ITPR1: variants seen among roughly 807,000 people sequenced by gnomAD.
The protein encoded by ITPR1 is inositol 1,4,5-trisphosphate-gated calcium channel ITPR1.
Under a neutral mutation model 318.4 loss-of-function variants are expected in ITPR1, and 96 were observed. The ratio of observed to expected loss-of-function variants is 0.30; its 90% CI spans 0.26 to 0.36. The LOEUF (loss-of-function observed/expected upper bound fraction) is 0.36. Among genes scored for constraint, ITPR1 ranks in the 10% least tolerant of loss-of-function variants. The pLI is 1.00. For missense variants in ITPR1, 2,440 were observed against 3,460.2 expected, an observed-to-expected ratio of 0.71 and a Z score of 7.40; for synonymous variants, 1,312 against 1,289.9, an observed-to-expected ratio of 1.02 and a Z score of -0.37.
In ITPR1 at chr3:4,806,161, G is replaced by A. The variant is rs1343639552; in HGVS notation, c.7166G>A (p.Arg2389Lys). ...GTGGGCAACTGTGGGACATTCACAAGAGGCTACCGAGCCATGGTTCTGGAT... is the reference window on the plus strand; with the variant it reads ...GTGGGCAACTGTGGGACATTCACAAAAGGCTACCGAGCCATGGTTCTGGAT... The part of the protein sequence containing the change: ...SFVGNCGTFT[R>K]GYRAMVLDVE... The change falls in exon 55 of 62, where the codon AGA (arginine) becomes AAA (lysine). Residue 2389 changes from arginine (R) to lysine (K), a missense_variant. By Grantham distance (26) the Arg-to-Lys change is conservative. Around this residue, in one of 23 missense-constraint regions of ITPR1, gnomAD observed 126 missense variants for 150.8 expected, o/e 0.84. Coordinates refer to ENST00000649015, the MANE Select transcript of ITPR1 (RefSeq NM_001378452.1). The A allele has an allele frequency of 2.5e-6, 4 of 1,613,756 alleles. No individual in the cohort carries two copies. Among genetic ancestry groups the A allele is most frequent in the African/African-American group, 1.3e-5 (1 of 74,932 alleles).
At chr3:4,639,686 G>A (rs2093292016) in intron 6 of ITPR1, among the ~76,000 whole-genome samples, 1 of 152,152 alleles carries the variant, frequency 6.6e-6, no homozygotes, top group Non-Finnish European at 1.5e-5. Context: ...ACTTCTCTCT[G>A]TCTGTGGCTG....
intron 1 of ITPR1, among the ~76,000 whole-genome samples, chr3:4,493,928 A>AT (rs1491057319): frequency 2.1e-5 from 3 of 139,706 alleles, no homozygotes; most frequent in African/African-American, 8.0e-5. Context: ...TGGGGGTGTC[A>AT]TATGTGAGTC....
intron 39 of ITPR1, among the ~76,000 whole-genome samples, chr3:4,712,826 T>G (rs1191538822): frequency 6.6e-6 from 1 of 152,234 alleles, no homozygotes; most frequent in Non-Finnish European, 1.5e-5. Context: ...GATTTTGCAG[T>G]TTCTTAGTTT....
chr3:4,697,666 G>A (rs1395756824), intron 34 of ITPR1, among the ~76,000 whole-genome samples: 1 of 151,842 alleles, frequency 6.6e-6, no homozygotes, highest in South Asian at 2.1e-4. Flanking sequence ...TGGCCAGGCT[G>A]GTCTTGAACT....
intron 4 of ITPR1, among the ~76,000 whole-genome samples, chr3:4,545,197 G>C (rs932720493): frequency 6.6e-6 from 1 of 152,188 alleles, no homozygotes; most frequent in Non-Finnish European, 1.5e-5. Context: ...AAATGAATCA[G>C]TTGATCTGTT....
intron 44 of ITPR1, among the ~76,000 whole-genome samples, chr3:4,757,112 C>T (rs1188405290): frequency 6.6e-6 from 1 of 152,106 alleles, no homozygotes. Context: ...AGCAAGGAGC[C>T]AAGGCCAAAA....
chr3:4,635,031 C>G (rs2093139176), intron 5 of ITPR1, among the ~76,000 whole-genome samples: 1 of 152,232 alleles, frequency 6.6e-6, no homozygotes, highest in Non-Finnish European at 1.5e-5. Context: ...GCGTGAGCCA[C>G]CGTACCTGGC....
chr3:4,790,552 G>T (rs55730960), intron 52 of ITPR1, among the ~76,000 whole-genome samples: 1 of 152,154 alleles, frequency 6.6e-6, no homozygotes, highest in African/African-American at 2.4e-5. Context: ...GCACACTTGG[G>T]GAGGGAGAAA....
intron 33 of ITPR1, 97 bp downstream of exon 33, chr3:4,693,838 C>G (rs1172417145): frequency 2.3e-6 from 3 of 1,328,434 alleles, no homozygotes; most frequent in African/African-American, 1.5e-5. Flanking sequence ...CCTGGGGGAG[C>G]CCTCATGGCT....
chr3:4,624,422 A>G (rs1197795583), intron 4 of ITPR1, among the ~76,000 whole-genome samples: 1 of 152,176 alleles, frequency 6.6e-6, no homozygotes, highest in African/African-American at 2.4e-5. Flanking sequence ...TAATCCCAGC[A>G]CTTTGGGAGG....
intron 4 of ITPR1, among the ~76,000 whole-genome samples, chr3:4,549,119 A>G (rs78416486): frequency 0.035 from 5,391 of 152,366 alleles, 151 homozygotes; most frequent in Middle Eastern, 0.058. Flanking sequence ...ATTAGTTAAC[A>G]TGAAAATTGT....
chr3:4,567,468 A>G lies in ITPR1; in HGVS notation c.163+46374A>G, dbSNP rs138890215. Among the ~76,000 whole-genome samples the G allele has an allele frequency of 6.6e-5, 10 of 152,312 alleles. No homozygotes were observed. In the East Asian group the frequency reaches 1.9e-3, roughly 29 times the overall value. On this transcript the variant is annotated intron_variant, in intron 4 of 61. Transcript: ENST00000649015. Reference sequence around the variant, plus strand: ...TGTTGATAATGGTTTGCAGTATAACATGGAACATGCTAGACTCCAAGTCGA... The same window carrying G: ...TGTTGATAATGGTTTGCAGTATAACGTGGAACATGCTAGACTCCAAGTCGA...
At chr3:4,560,440 C>T (rs903736646) in intron 4 of ITPR1, among the ~76,000 whole-genome samples, 3 of 152,140 alleles carry the variant, frequency 2.0e-5, no homozygotes, top group Non-Finnish European at 4.4e-5. Context: ...ATGTTGATAT[C>T]AACTTCCTGA....
chr3:4,752,621 C>T (rs993230318), intron 44 of ITPR1, among the ~76,000 whole-genome samples: 3 of 152,182 alleles, frequency 2.0e-5, no homozygotes, highest in Admixed American at 1.3e-4. Context: ...TTGAGTGTTT[C>T]GGAATTGCAC....
In ITPR1 at chr3:4,806,115, A is replaced by C. The variant is rs1559928445; in HGVS notation, c.7120A>C (p.Ile2374Leu). 2.5e-6 allele frequency: 4 copies of C among 1,613,728 alleles called. No individual in the cohort carries two copies. Among genetic ancestry groups the C allele is most frequent in the Non-Finnish European group, 3.4e-6 (4 of 1,179,714 alleles). ...TCATTGTTCTCAGGTATGCAATAAA[A>C]TCATCTTTCTAATGAGCTTTGTGGG... The part of the protein sequence containing the change: ...LLGAFNVCNK[I>L]IFLMSFVGNC... Residue 2374 changes from isoleucine (I) to leucine (L), a missense_variant, in exon 55 of 62, where the codon ATC (isoleucine) becomes CTC (leucine). Physicochemically the swap from Ile to Leu is conservative, Grantham distance 5. Coordinates refer to ENST00000649015, the MANE Select transcript of ITPR1 (RefSeq NM_001378452.1).
chr3:4,699,678 C>T lies in ITPR1; in HGVS notation c.4408-135C>T, dbSNP rs1233003991. 1.7e-5 allele frequency: 12 copies of T among 726,264 alleles called. No homozygotes were observed. In the South Asian group the frequency reaches 1.8e-4, roughly 11 times the overall value. 45.0% of individuals were successfully genotyped at this position (726,264 alleles called of 1,614,324 possible). A position where few individuals can be genotyped will look rare whatever the true frequency, so the allele number is the denominator to read the frequency against. On this transcript the variant is annotated intron_variant, in intron 34 of 61. Transcript: ENST00000649015. ...GATTTATATTTTATTATTATGATTC[C>T]TTAAGGGGAGAAATATTGGCCAGCA... is the stretch of plus-strand genomic sequence containing the variant.
At chr3:4,536,960 T>C (rs984922991) in intron 4 of ITPR1, among the ~76,000 whole-genome samples, 1 of 151,564 alleles carries the variant, frequency 6.6e-6, no homozygotes, top group African/African-American at 2.4e-5. Flanking sequence ...TTTTTTGGGG[T>C]CAATCCCAGA....
At chr3:4,737,715 C>T (rs1247817017) in intron 44 of ITPR1, among the ~76,000 whole-genome samples, 1 of 152,108 alleles carries the variant, frequency 6.6e-6, no homozygotes, top group Non-Finnish European at 1.5e-5. Context: ...AGTTAATGGG[C>T]AGTAATTTGT....
chr3:4,620,722 G>A (rs1250009313), intron 4 of ITPR1, among the ~76,000 whole-genome samples: 1 of 145,316 alleles, frequency 6.9e-6, no homozygotes, highest in Non-Finnish European at 1.5e-5. Flanking sequence ...ACAGTAAAGA[G>A]AGTAGAAAGG....
Sources: allele counts gnomAD v4.1 joint callset (sites outside exome capture counted in the v4.1 genomes callset), GRCh38; gene constraint gnomAD v4.1.1; regional missense constraint gnomAD v4.1.1; transcripts MANE v1.5; gene names NCBI Gene and HGNC (gene_info 2026-07-23, HGNC 2026-07-21).